SOX6: variants seen among roughly 807,000 people sequenced by gnomAD.
SOX6 encodes the protein transcription factor SOX-6.
A neutral mutation model predicts 97.8 loss-of-function variants in SOX6; 11 were observed. The observed-to-expected ratio is 0.11, with a 90% CI of 0.07 to 0.19. The LOEUF (loss-of-function observed/expected upper bound fraction) is 0.19. Among genes scored for constraint, SOX6 ranks in the 10% least tolerant of loss-of-function variants. The probability of loss-of-function intolerance (pLI) is 1.00; values close to 1 mark genes in which losing one functional copy is unlikely to be tolerated. For synonymous variants in SOX6, 360 were observed against 371.4 expected (o/e 0.97, Z 0.35); for missense variants, 810 against 1,039.5 (o/e 0.78, Z 3.04).
intron 3 of SOX6, among the ~76,000 whole-genome samples, chr11:16,625,259 T>G (rs1848607975): frequency 6.6e-6 from 1 of 152,222 alleles, no homozygotes; most frequent in African/African-American, 2.4e-5. Flanking sequence ...TCTAGAGATT[T>G]TATAGTTTTA....
intron 1 of SOX6, among the ~76,000 whole-genome samples, chr11:16,366,642 A>T (rs1241091667): frequency 1.6e-4 from 25 of 152,136 alleles, no homozygotes. Flanking sequence ...CATCACAATT[A>T]CTTTCTTTCT....
intron 3 of SOX6, among the ~76,000 whole-genome samples, chr11:16,246,222 A>G (rs1345495514): frequency 6.6e-6 from 1 of 151,592 alleles, no homozygotes; most frequent in African/African-American, 2.4e-5. Flanking sequence ...TATTAGTTCC[A>G]TATGTTTTAA....
rs376663004 is a variant in SOX6, at chr11:16,687,389, G to C, written n.429+27441C>G. Among the ~76,000 whole-genome samples the C allele has an allele frequency of 2.6e-5, 4 of 152,280 alleles. No individual in the cohort carries two copies. In the East Asian group the frequency reaches 7.8e-4, roughly 30 times the overall value. On this transcript the variant is annotated intron_variant and non_coding_transcript_variant, in intron 3 of 5. Transcript: ENST00000524520. ...TCTATGAGAACTCATTCACTACCATGATGATGGCATCAAATCATCAAGGAT... is the reference window on the plus strand; with the variant it reads ...TCTATGAGAACTCATTCACTACCATCATGATGGCATCAAATCATCAAGGAT...
intron 3 of SOX6, among the ~76,000 whole-genome samples, chr11:16,619,404 C>T (rs757218951): frequency 6.6e-6 from 1 of 151,544 alleles, no homozygotes; most frequent in Non-Finnish European, 1.5e-5. Flanking sequence ...CTTCATGAGG[C>T]ATTAATCTCC....
intron 4 of SOX6, among the ~76,000 whole-genome samples, chr11:16,492,112 T>G (rs1860517552): frequency 6.6e-6 from 1 of 152,162 alleles, no homozygotes; most frequent in African/African-American, 2.4e-5. Context: ...TTGAAAGCAT[T>G]ACCCAAAACG....
chr11:16,288,048 G>C (rs1436522928), intron 3 of SOX6, among the ~76,000 whole-genome samples: 2 of 152,060 alleles, frequency 1.3e-5, no homozygotes, highest in East Asian at 3.8e-4. Context: ...GCTTTGTGCT[G>C]CCTTTCATAC....
intron 4 of SOX6, among the ~76,000 whole-genome samples, chr11:16,539,520 A>G (rs1861368737): frequency 1.3e-5 from 2 of 152,176 alleles, no homozygotes; most frequent in Admixed American, 6.5e-5. Flanking sequence ...CAAAAAATCA[A>G]TGAATCCAGG....
intron 6 of SOX6, among the ~76,000 whole-genome samples, chr11:16,137,267 A>G (rs138874632): frequency 4.9e-4 from 74 of 152,122 alleles, no homozygotes; most frequent in African/African-American, 1.7e-3. Flanking sequence ...CTCTACTAAA[A>G]TACAAAAAAT....
intron 6 of SOX6, among the ~76,000 whole-genome samples, chr11:16,168,688 C>T (rs1345087026): frequency 1.3e-5 from 2 of 152,118 alleles, no homozygotes; most frequent in Non-Finnish European, 1.5e-5. Context: ...AGTAAAGATA[C>T]CACCCCATAT....
intron 3 of SOX6, among the ~76,000 whole-genome samples, chr11:16,692,585 C>A (rs774372234): frequency 6.6e-6 from 1 of 152,182 alleles, no homozygotes; most frequent in South Asian, 2.1e-4. Context: ...AGTTTACCAA[C>A]TTTTGAACTT....
rs1211281742 is a variant in SOX6 at position 16,687,208 on chromosome 11, G to T, written n.429+27622C>A. On this transcript the variant is annotated intron_variant and non_coding_transcript_variant, in intron 3 of 5. Coordinates refer to the SOX6 transcript ENST00000524520. ...GCTCACAGTTCTGCAGGCTGTACAG[G>T]AAGCACAGTGCTAGCATCTGCTCAG... is the stretch of plus-strand genomic sequence containing the variant. Among the ~76,000 whole-genome samples the T allele has an allele frequency of 2.6e-5, 4 of 152,334 alleles. No individual in the cohort carries two copies. The East Asian group carries it at 7.7e-4, about 29-fold the overall frequency.
chr11:15,976,259 C>A (rs1422117405), intron 15 of SOX6, among the ~76,000 whole-genome samples: 1 of 152,130 alleles, frequency 6.6e-6, no homozygotes, highest in Admixed American at 6.6e-5. Flanking sequence ...GTATGGTGAG[C>A]TCAGGTTTTG....
chr11:16,252,440 T>C (rs1442927177), intron 3 of SOX6: 4 of 152,106 alleles, frequency 2.6e-5, no homozygotes, highest in Admixed American at 1.3e-4. Flanking sequence ...GGAACTGTGA[T>C]CTACGAACTG....
chr11:16,373,980 T>G (rs1383291928), intron 1 of SOX6, among the ~76,000 whole-genome samples: 1 of 151,924 alleles, frequency 6.6e-6, no homozygotes. Context: ...AATACAGAAA[T>G]GTAGCCCTCA....
chr11:16,693,815 T>C (rs1452298904), intron 3 of SOX6, among the ~76,000 whole-genome samples: 1 of 152,176 alleles, frequency 6.6e-6, no homozygotes, highest in African/African-American at 2.4e-5. Context: ...AGCAGAAGTA[T>C]TATCTACATA....
At chr11:16,407,943 C>CCTTTACAA in intron 1 of SOX6, among the ~76,000 whole-genome samples, 2 of 152,142 alleles carry the variant, frequency 1.3e-5, no homozygotes, top group Middle Eastern at 6.8e-3. Context: ...TTTCCACATT[C>CCTTTACAA]CTTTACAACT....
chr11:16,445,535 A>G (rs1278305884), intron 1 of SOX6, among the ~76,000 whole-genome samples: 1 of 152,148 alleles, frequency 6.6e-6, no homozygotes, highest in Non-Finnish European at 1.5e-5. Context: ...TATCTCATTT[A>G]CCTATTACTG....
intron 1 of SOX6, among the ~76,000 whole-genome samples, chr11:16,355,077 G>T (rs1349827351): frequency 1.3e-5 from 2 of 151,890 alleles, no homozygotes. Flanking sequence ...TGGTATTCTG[G>T]TCAATTCATT....
chr11:16,555,203 T>C (rs1030270356), intron 4 of SOX6, among the ~76,000 whole-genome samples: 1 of 151,734 alleles, frequency 6.6e-6, no homozygotes, highest in Non-Finnish European at 1.5e-5. Context: ...TTCAACAATA[T>C]GGAATAAAAA....
Sources: gnomAD v4.1 joint callset for allele counts (sites outside exome capture counted in the v4.1 genomes callset) on GRCh38, gnomAD v4.1.1 for gene constraint, MANE v1.5 for transcripts, NCBI Gene and HGNC (gene_info 2026-07-23, HGNC 2026-07-21) for gene names.